Variants in ESRRG observed in about 807,000 individuals in gnomAD.
The protein encoded by ESRRG is estrogen-related receptor gamma.
ESRRG carries 13 observed loss-of-function variants against 44.0 expected under a neutral mutation model. The observed-to-expected ratio is 0.30, with a 90% CI of 0.19 to 0.47. The LOEUF (loss-of-function observed/expected upper bound fraction) is 0.47, where lower values mean the gene tolerates loss of function less well. Ranked by LOEUF, ESRRG falls within the 20% of genes least tolerant of loss-of-function variation. ESRRG has a pLI of 1.00. For synonymous variants in ESRRG, 215 were observed against 214.6 expected (o/e 1.00, Z -0.02); for missense variants, 395 against 580.6 (o/e 0.68, Z 3.29).
intron 1 of ESRRG, among the ~76,000 whole-genome samples, chr1:217,127,452 A>G (rs1281017669): frequency 6.6e-6 from 1 of 152,210 alleles, no homozygotes; most frequent in Non-Finnish European, 1.5e-5. Flanking sequence ...AATGCAGGAG[A>G]GCAGCCACAG....
intron 2 of ESRRG, among the ~76,000 whole-genome samples, chr1:216,741,812 C>T (rs1440873119): frequency 3.3e-5 from 5 of 152,120 alleles, no homozygotes; most frequent in Admixed American, 6.6e-5. Flanking sequence ...ACCACACTTT[C>T]GTACATGGGT....
At chr1:216,675,367 A>G (rs538601763) in intron 2 of ESRRG, among the ~76,000 whole-genome samples, 89 of 149,124 alleles carry the variant, frequency 6.0e-4, no homozygotes, top group South Asian at 8.5e-4. Flanking sequence ...CCTCAAAAAG[A>G]AAAAAAAAAG....
intron 3 of ESRRG, among the ~76,000 whole-genome samples, chr1:216,570,279 TA>T (rs2060535071): frequency 6.6e-6 from 1 of 152,186 alleles, no homozygotes; most frequent in Non-Finnish European, 1.5e-5. Context: ...TAGGTAAGGT[TA>T]TTAAGCATTC....
At chr1:217,016,943 T>C (rs2079474479) in intron 1 of ESRRG, among the ~76,000 whole-genome samples, 1 of 152,152 alleles carries the variant, frequency 6.6e-6, no homozygotes, top group African/African-American at 2.4e-5. Context: ...ATCCAATAAG[T>C]AAACTCTTTT....
chr1:216,661,222 A>G (rs950484076), intron 2 of ESRRG, among the ~76,000 whole-genome samples: 1 of 152,202 alleles, frequency 6.6e-6, no homozygotes, highest in African/African-American at 2.4e-5. Context: ...AAGCTCTTAT[A>G]GTACACAGAT....
chr1:216,559,291 G>A (rs1252245840), intron 5 of ESRRG, among the ~76,000 whole-genome samples: 1 of 152,006 alleles, frequency 6.6e-6, no homozygotes, highest in Non-Finnish European at 1.5e-5. Context: ...AAATCATTAG[G>A]TTACATACAC....
chr1:216,855,111 A>G (rs981375857), intron 2 of ESRRG: 1 of 152,144 alleles, frequency 6.6e-6, no homozygotes, highest in African/African-American at 2.4e-5. Context: ...AATTTTTCCC[A>G]TATATATTTT....
intron 2 of ESRRG, among the ~76,000 whole-genome samples, chr1:216,933,911 C>T (rs78025644): frequency 0.013 from 1,933 of 152,252 alleles, 123 homozygotes; most frequent in Admixed American, 0.091. Flanking sequence ...TCCACTGACC[C>T]CTGGCCTATC....
chr1:216,709,230 C>G (rs1179690709), intron 1 of ESRRG, among the ~76,000 whole-genome samples: 1 of 151,608 alleles, frequency 6.6e-6, no homozygotes, highest in Non-Finnish European at 1.5e-5. Flanking sequence ...AAAAAGAAAT[C>G]AGTGTAATGA....
intron 2 of ESRRG, among the ~76,000 whole-genome samples, chr1:216,915,423 T>A (rs1332225858): frequency 6.6e-6 from 1 of 152,078 alleles, no homozygotes; most frequent in African/African-American, 2.4e-5. Flanking sequence ...CCTCTCTCCT[T>A]AAGGAGGCTG....
At chr1:216,573,288 G>C (rs1248930513) in intron 3 of ESRRG, among the ~76,000 whole-genome samples, 2 of 151,892 alleles carry the variant, frequency 1.3e-5, no homozygotes, top group African/African-American at 4.8e-5. Flanking sequence ...ATAAAGCATA[G>C]TTTGCTAGTC....
At chr1:216,779,523 A>AATATAAATATAAATTTATAT (rs1559608969) in intron 2 of ESRRG, among the ~76,000 whole-genome samples, 1 of 92,026 alleles carries the variant, frequency 1.1e-5, no homozygotes, top group African/African-American at 5.1e-5. Context: ...TATAAATATA[A>AATATAAATATAAATTTATAT]ATATAAATAT....
chr1:216,666,559 C>T (rs1235070805), intron 2 of ESRRG, among the ~76,000 whole-genome samples: 2 of 152,100 alleles, frequency 1.3e-5, no homozygotes, highest in Non-Finnish European at 2.9e-5. Context: ...TATTAGAGTG[C>T]TAAGAAAGGC....
chr1:216,720,377 GA>G (rs35656612), intron 1 of ESRRG, among the ~76,000 whole-genome samples: 6 of 151,312 alleles, frequency 4.0e-5, no homozygotes, highest in African/African-American at 1.5e-4. Context: ...AGATTGTAGG[GA>G]AAAAAAATAA....
At chr1:216,862,588 C>T (rs925201188) in intron 2 of ESRRG, 1 of 152,082 alleles carries the variant, frequency 6.6e-6, no homozygotes, top group Non-Finnish European at 1.5e-5. Flanking sequence ...GATTCAACAA[C>T]ATGGATATAT....
chr1:216,846,387 T>C (rs909083130), intron 2 of ESRRG, among the ~76,000 whole-genome samples: 4 of 151,962 alleles, frequency 2.6e-5, no homozygotes, highest in African/African-American at 4.8e-5. Context: ...TCTAGAGGAG[T>C]TGGCAAACTT....
intron 2 of ESRRG, among the ~76,000 whole-genome samples, chr1:216,937,589 G>A (rs2576239): frequency 0.015 from 2,320 of 152,214 alleles, 68 homozygotes; most frequent in African/African-American, 0.054. Flanking sequence ...AGTATATTCT[G>A]GCTCAAATGA....
chr1:217,133,645 C>CTCTCTCTCTCTTTCTTTCTTTCTT (rs1266397788), intron 1 of ESRRG, among the ~76,000 whole-genome samples: 162 of 91,688 alleles, frequency 1.8e-3, no homozygotes, highest in South Asian at 3.0e-3. Flanking sequence ...CTCTCTCTCT[C>CTCTCTCTCTCTTTCTTTCTTTCTT]TCTTTCTTTC....
intron 1 of ESRRG, chr1:217,076,730 G>A (rs908282786): frequency 2.6e-5 from 4 of 152,292 alleles, no homozygotes; most frequent in Middle Eastern, 3.4e-3. Context: ...GCTAAGGAAC[G>A]AAATGACCTA....
Sources: gnomAD v4.1 joint callset for allele counts (sites outside exome capture counted in the v4.1 genomes callset) on GRCh38, gnomAD v4.1.1 for gene constraint, MANE v1.5 for transcripts, NCBI Gene and HGNC (gene_info 2026-07-23, HGNC 2026-07-21) for gene names.